ATG5: variants seen among roughly 807,000 people sequenced by gnomAD.
ATG5 encodes the protein autophagy protein 5.
Under a neutral mutation model 36.5 loss-of-function variants are expected in ATG5, and 14 were observed. That is an observed-to-expected ratio of 0.38 (90% CI 0.25 to 0.60). The LOEUF (loss-of-function observed/expected upper bound fraction) is 0.60. ATG5 is among the 20% of genes least tolerant of loss of function. The probability of loss-of-function intolerance (pLI) is 0.60; values close to 1 mark genes in which losing one functional copy is unlikely to be tolerated. For synonymous variants in ATG5, 95 were observed against 101.5 expected (o/e 0.94, Z 0.38); for missense variants, 195 against 326.7 (o/e 0.60, Z 3.11).
rs1780378876 is a variant in ATG5 at position 106,293,040 on chromosome 6, T to C, written c.303A>G (p.Thr101=). The C allele has an allele frequency of 2.0e-5, 33 of 1,612,952 alleles. No homozygotes were observed. Among genetic ancestry groups the C allele is most frequent in the Non-Finnish European group, 2.7e-5 (32 of 1,179,170 alleles). The change falls in exon 4 of 8, where the codon ACA becomes ACG. Residue 101 remains threonine, a synonymous_variant. Transcript: ENST00000369076. ...CAATTTACTATACCTTAAAATGTAC[T>C]GTGATGTTCCAAGGAAGAGCTGAAC... is the stretch of plus-strand genomic sequence containing the variant. ...ASSSALPWNI[T]VHFKSFPEKD...
intron 5 of ATG5, among the ~76,000 whole-genome samples, chr6:106,249,232 C>A (rs191939122): frequency 2.0e-4 from 31 of 152,282 alleles, no homozygotes; most frequent in Admixed American, 1.6e-3. Flanking sequence ...CAAAAAGAAA[C>A]CTGTAACTAT....
intron 4 of ATG5, among the ~76,000 whole-genome samples, chr6:106,280,601 TA>T (rs1779840918): frequency 6.6e-6 from 1 of 152,244 alleles, no homozygotes; most frequent in Admixed American, 6.5e-5. Context: ...GGGAGTTAGG[TA>T]AATGAGACGA....
intron 5 of ATG5, among the ~76,000 whole-genome samples, chr6:106,269,710 G>C (rs375891279): frequency 6.6e-6 from 1 of 152,212 alleles, no homozygotes; most frequent in Admixed American, 6.5e-5. Context: ...TGCGGGGTCC[G>C]CCAAGCCCAC....
At chr6:106,290,028 T>C (rs1780239448) in intron 4 of ATG5, among the ~76,000 whole-genome samples, 1 of 150,198 alleles carries the variant, frequency 6.7e-6, no homozygotes, top group African/African-American at 2.4e-5. Context: ...GTTTATTATA[T>C]TATTATTATT....
At chr6:106,283,532 C>T (rs1779960690) in intron 4 of ATG5, 1 of 152,198 alleles carries the variant, frequency 6.6e-6, no homozygotes, top group African/African-American at 2.4e-5. Context: ...GGCTGTTTCA[C>T]CTTTCCTTAG....
chr6:106,265,630 A>G (rs1779197638), intron 5 of ATG5, among the ~76,000 whole-genome samples: 1 of 152,222 alleles, frequency 6.6e-6, no homozygotes, highest in Non-Finnish European at 1.5e-5. Context: ...GCAAGTGCAA[A>G]ATAATGGAAA....
At chr6:106,289,922 C>T (rs1004778547) in intron 4 of ATG5, among the ~76,000 whole-genome samples, 3 of 152,112 alleles carry the variant, frequency 2.0e-5, no homozygotes, top group African/African-American at 7.2e-5. Context: ...AAAGAAAATT[C>T]AGGCTCACAA....
At chr6:106,231,396 A>G (rs1186078929) in intron 6 of ATG5, among the ~76,000 whole-genome samples, 1 of 152,222 alleles carries the variant, frequency 6.6e-6, no homozygotes, top group Non-Finnish European at 1.5e-5. Flanking sequence ...GGTCGACAAC[A>G]GAGGAAAGAG....
In ATG5 at chr6:106,314,378, G is replaced by A. The variant is rs921408799; in HGVS notation, c.108+1723C>T. The stretch of plus-strand genomic sequence containing the variant: ...TTGAGACCAGCCTGGCCAACATAGC[G>A]AAACCCTGTCTCTACTAAAAATCTA... On this transcript the variant is annotated intron_variant, in intron 2 of 7. Transcript: ENST00000369076. Among the ~76,000 whole-genome samples the A allele has an allele frequency of 4.6e-5, 7 of 152,126 alleles. No individual in the cohort carries two copies. The South Asian group carries it at 8.3e-4, about 18-fold the overall frequency.
At chr6:106,206,956 T>C (rs1413256421) in intron 6 of ATG5, among the ~76,000 whole-genome samples, 1 of 152,092 alleles carries the variant, frequency 6.6e-6, no homozygotes, top group Non-Finnish European at 1.5e-5. Flanking sequence ...ACTAACAATA[T>C]CCAATGCAAT....
chr6:106,189,832 T>C (rs187519942), intron 7 of ATG5, among the ~76,000 whole-genome samples: 28 of 152,244 alleles, frequency 1.8e-4, no homozygotes, highest in Admixed American at 1.3e-4. Flanking sequence ...TGTTACTGTA[T>C]GCCTCTCCCA....
At chr6:106,298,078 C>A (rs1452397017) in intron 3 of ATG5, among the ~76,000 whole-genome samples, 3 of 151,486 alleles carry the variant, frequency 2.0e-5, no homozygotes, top group Non-Finnish European at 4.4e-5. Context: ...GATTCTCCTG[C>A]CTCAGCCTCC....
rs187018868 is a variant in ATG5, at chr6:106,184,860, G to A, written c.*1680C>T. The A allele has an allele frequency of 3.9e-5, 6 of 152,336 alleles. No homozygotes were observed. The highest frequency in any genetic ancestry group is 5.9e-5 in the Non-Finnish European group (4 of 67,994). 9.4% of individuals were successfully genotyped at this position (152,336 alleles called of 1,614,324 possible). A position where few individuals can be genotyped will look rare whatever the true frequency, so the allele number is the denominator to read the frequency against. The stretch of plus-strand genomic sequence containing the variant: ...ACTTCAATCTGTCAAAACATCAAGG[G>A]GGAAAATCCCCAAAATGAACCGACG... On this transcript the variant is annotated 3_prime_UTR_variant, in exon 8 of 8. Transcript: ENST00000369076.
At chr6:106,319,764 G>A (rs1016727185) in intron 1 of ATG5, among the ~76,000 whole-genome samples, 1 of 152,258 alleles carries the variant, frequency 6.6e-6, no homozygotes, top group African/African-American at 2.4e-5. Context: ...TTAGGGAGAA[G>A]GATCATATCT....
rs1301936230 is a variant in ATG5, at chr6:106,246,390, TCTCACACACACA to T, written c.573+1748_573+1759del. Among the ~76,000 whole-genome samples the T allele has an allele frequency of 2.2e-3, 250 of 113,512 alleles. 1 individual carries two copies. The highest frequency in any genetic ancestry group is 8.1e-3 in the African/African-American group (216 of 26,624). The allele number at this position is 113,512 out of a possible 152,430, so 74.5% of individuals were successfully genotyped here. Reference sequence around the variant, plus strand: ...GTCTCTGTCTCTCTCTCTCTCTCTCTCTCACACACACACACACACACACACACACACACACAC... The same window carrying T: ...GTCTCTGTCTCTCTCTCTCTCTCTCTCACACACACACACACACACACACAC... On this transcript the variant is annotated intron_variant, in intron 6 of 7. Transcript: ENST00000369076.
At chr6:106,190,557 T>G (rs1775934009) in intron 7 of ATG5, among the ~76,000 whole-genome samples, 1 of 152,216 alleles carries the variant, frequency 6.6e-6, no homozygotes, top group Non-Finnish European at 1.5e-5. Flanking sequence ...TTTTTAGCCT[T>G]TTCTACATTT....
chr6:106,306,523 T>A (rs114983437), intron 3 of ATG5, among the ~76,000 whole-genome samples: 82 of 152,228 alleles, frequency 5.4e-4, no homozygotes, highest in African/African-American at 1.9e-3. Context: ...CTGTTAAACA[T>A]CCTATAATGT....
intron 3 of ATG5, among the ~76,000 whole-genome samples, chr6:106,303,221 C>T (rs1770286564): frequency 6.6e-6 from 1 of 151,910 alleles, no homozygotes; most frequent in Non-Finnish European, 1.5e-5. Flanking sequence ...TCTAACAAAG[C>T]TGACAAAAAT....
intron 6 of ATG5, among the ~76,000 whole-genome samples, chr6:106,205,321 G>C (rs1776588655): frequency 6.6e-6 from 1 of 152,170 alleles, no homozygotes; most frequent in Non-Finnish European, 1.5e-5. Flanking sequence ...AAACAACAAA[G>C]TCAAAGGAAT....
Sources: allele counts gnomAD v4.1 joint callset (sites outside exome capture counted in the v4.1 genomes callset), GRCh38; gene constraint gnomAD v4.1.1; transcripts MANE v1.5; gene names NCBI Gene and HGNC (gene_info 2026-07-23, HGNC 2026-07-21).